The following ADAMTS12 variants were observed in gnomAD, a reference collection of about 807,000 sequenced individuals.
ADAMTS12 encodes ADAM metallopeptidase with thrombospondin type 1 motif 12.
Under a neutral mutation model 167.8 loss-of-function variants are expected in ADAMTS12, and 118 were observed. The observed-to-expected ratio is 0.70, with a 90% CI of 0.61 to 0.82. ADAMTS12 has a LOEUF of 0.82. Among genes scored for constraint, ADAMTS12 ranks in the 40% least tolerant of loss-of-function variants. ADAMTS12 has a pLI of 0.00. For synonymous variants in ADAMTS12, 704 were observed against 716.9 expected (o/e 0.98, Z 0.29); for missense variants, 1,916 against 1,998.8 (o/e 0.96, Z 0.79).
At chr5:33,853,665 A>T (rs1229857865) in intron 2 of ADAMTS12, among the ~76,000 whole-genome samples, 1 of 152,242 alleles carries the variant, frequency 6.6e-6, no homozygotes, top group Non-Finnish European at 1.5e-5. Flanking sequence ...ATTCCCTGCT[A>T]CTGTTTTAAG....
At chr5:33,743,366 T>C (rs550101724) in intron 3 of ADAMTS12, among the ~76,000 whole-genome samples, 5 of 152,334 alleles carry the variant, frequency 3.3e-5, no homozygotes, top group Admixed American at 1.3e-4. Flanking sequence ...GTCCTCCCCC[T>C]GCCCACAGGA....
chr5:33,576,815 A>G lies in ADAMTS12; in HGVS notation c.3211T>C (p.Ser1071Pro). 6.2e-7 allele frequency: 1 copy of G among 1,614,130 alleles called. No individual in the cohort carries two copies. Among genetic ancestry groups the G allele is most frequent in the Non-Finnish European group, 8.5e-7 (1 of 1,180,022 alleles). Residue 1071 changes from serine to proline, a missense_variant, in exon 19 of 24, where the codon TCA becomes CCA. Coordinates refer to ENST00000504830, the MANE Select transcript of ADAMTS12 (RefSeq NM_030955.4). ...CGAGAGCTCAGCTCAGGTTGGGTTG[A>G]GCTATCTTGCCACTGTTTCCCACCC... is the stretch of plus-strand genomic sequence containing the variant. ...DLGGKQWQDS[S>P]TQPELSSRYL... is the part of the protein sequence containing the mutation.
intron 20 of ADAMTS12, among the ~76,000 whole-genome samples, chr5:33,552,990 G>A (rs540265279): frequency 6.6e-6 from 1 of 151,938 alleles, no homozygotes; most frequent in South Asian, 2.1e-4. Context: ...CATCTCTAAG[G>A]AAGTTAAATT....
At chr5:33,721,275 G>A (rs1743795662) in intron 3 of ADAMTS12, among the ~76,000 whole-genome samples, 1 of 152,154 alleles carries the variant, frequency 6.6e-6, no homozygotes. Flanking sequence ...TCTGCTTCTT[G>A]GCGTGGGTGT....
chr5:33,804,434 T>G (rs1366717949), intron 2 of ADAMTS12, among the ~76,000 whole-genome samples: 1 of 152,160 alleles, frequency 6.6e-6, no homozygotes, highest in African/African-American at 2.4e-5. Flanking sequence ...AGCCCAACCC[T>G]GCATGAGGGG....
chr5:33,547,676 G>C (rs1356726114), intron 21 of ADAMTS12, among the ~76,000 whole-genome samples: 1 of 152,136 alleles, frequency 6.6e-6, no homozygotes, highest in East Asian at 1.9e-4. Context: ...ATTTAGAAAG[G>C]AGAGAAACAG....
intron 16 of ADAMTS12, among the ~76,000 whole-genome samples, chr5:33,610,882 C>T (rs1158641352): frequency 6.6e-6 from 1 of 152,048 alleles, no homozygotes; most frequent in Non-Finnish European, 1.5e-5. Flanking sequence ...GCCTGGCCAA[C>T]ATGGTGAAAC....
chr5:33,564,286 C>T (rs1745896880), intron 19 of ADAMTS12, among the ~76,000 whole-genome samples: 1 of 152,150 alleles, frequency 6.6e-6, no homozygotes, highest in African/African-American at 2.4e-5. Context: ...GGGAGAGGAA[C>T]CAGCATGAAT....
intron 2 of ADAMTS12, among the ~76,000 whole-genome samples, chr5:33,798,200 T>A (rs75558500): frequency 2.2e-4 from 33 of 151,898 alleles, no homozygotes; most frequent in African/African-American, 7.3e-4. Context: ...TTTTTTTTTT[T>A]AATTTCCAAG....
chr5:33,555,349 A>T (rs1454015560), intron 20 of ADAMTS12, among the ~76,000 whole-genome samples: 1 of 152,066 alleles, frequency 6.6e-6, no homozygotes, highest in East Asian at 1.9e-4. Context: ...GGCTCAAGTG[A>T]TCCGTCCACC....
At position 33,624,218 on chromosome 5, in the gene ADAMTS12, A is replaced by G; in HGVS notation, c.2143+13T>C. The G allele has an allele frequency of 1.2e-6, 2 of 1,613,702 alleles. No individual in the cohort carries two copies. Among genetic ancestry groups the G allele is most frequent in the Non-Finnish European group, 1.7e-6 (2 of 1,179,834 alleles). ...TGGTCCCCTGCCACTTCGATTATTT[A>G]TTTGTTTATTACCAGATCCTTCCTT... On this transcript the variant is annotated intron_variant, in intron 14 of 23. Transcript: ENST00000504830.
At position 33,658,152 on chromosome 5, in the gene ADAMTS12, G is replaced by T. The variant is rs1579807266; in HGVS notation, c.1190+32C>A. 3.7e-6 allele frequency: 6 copies of T among 1,610,352 alleles called. No homozygotes were observed. In the East Asian group the frequency reaches 1.3e-4, roughly 36 times the overall value. ...CTGCTGATATTGACACATGAATATGGTGAGCAAACCTCCCTATCATTGGCC... is the reference window on the plus strand; with the variant it reads ...CTGCTGATATTGACACATGAATATGTTGAGCAAACCTCCCTATCATTGGCC... On this transcript the variant is annotated intron_variant, in intron 7 of 23. Coordinates refer to ENST00000504830, the MANE Select transcript of ADAMTS12 (RefSeq NM_030955.4).
At chr5:33,841,815 G>A (rs372406446) in intron 2 of ADAMTS12, among the ~76,000 whole-genome samples, 3 of 152,226 alleles carry the variant, frequency 2.0e-5, no homozygotes, top group South Asian at 4.1e-4. Flanking sequence ...CTACCAAGCA[G>A]TCCAGAGTAG....
At chr5:33,839,452 C>T (rs1399550472) in intron 2 of ADAMTS12, among the ~76,000 whole-genome samples, 2 of 152,200 alleles carry the variant, frequency 1.3e-5, no homozygotes, top group African/African-American at 4.8e-5. Context: ...GTCCTTTCCA[C>T]ATCTGTGCAT....
intron 2 of ADAMTS12, among the ~76,000 whole-genome samples, chr5:33,826,586 G>GTATATA (rs10594169): frequency 4.6e-4 from 69 of 149,578 alleles, no homozygotes; most frequent in African/African-American, 1.5e-3. Flanking sequence ...GTGTGTGTGT[G>GTATATA]TATATATATA....
At position 33,527,320 on chromosome 5, in the gene ADAMTS12, T is replaced by A. The variant is rs780539260; in HGVS notation, c.4653A>T (p.Thr1551=). ...KDKLSASFCQ[T]LKAMKKCSVP... ...CAGAACATTTCTTCATGGCTTTCAG[T>A]GTCTGGCAGAAACTGGCTGACAGTT... is the stretch of plus-strand genomic sequence containing the variant. The change falls in exon 24 of 24, where the codon ACA becomes ACT. Residue 1551 remains threonine, a synonymous_variant. Coordinates refer to ENST00000504830, the MANE Select transcript of ADAMTS12 (RefSeq NM_030955.4). 2.5e-6 allele frequency: 4 copies of A among 1,614,152 alleles called. No individual in the cohort carries two copies. Among genetic ancestry groups the A allele is most frequent in the Middle Eastern group, 1.6e-4 (1 of 6,062 alleles).
At chr5:33,679,658 C>T (rs562565567) in intron 5 of ADAMTS12, among the ~76,000 whole-genome samples, 1 of 152,272 alleles carries the variant, frequency 6.6e-6, no homozygotes, top group East Asian at 1.9e-4. Context: ...TATCCCAGTA[C>T]TTCTATACTC....
At chr5:33,710,161 A>G (rs1743342116) in intron 3 of ADAMTS12, among the ~76,000 whole-genome samples, 1 of 152,202 alleles carries the variant, frequency 6.6e-6, no homozygotes, top group Non-Finnish European at 1.5e-5. Context: ...GGGAGGAATC[A>G]GTAACTTATA....
intron 2 of ADAMTS12, among the ~76,000 whole-genome samples, chr5:33,760,916 T>TGC (rs977591175): frequency 1.4e-5 from 2 of 143,456 alleles, no homozygotes; most frequent in African/African-American, 5.1e-5. Context: ...TGTGTGTGTG[T>TGC]GTGTGCGTAT....
Sources: allele counts gnomAD v4.1 joint callset (sites outside exome capture counted in the v4.1 genomes callset), GRCh38; gene constraint gnomAD v4.1.1; transcripts MANE v1.5; gene names NCBI Gene and HGNC (gene_info 2026-07-23, HGNC 2026-07-21).